The following CHST11 variants were observed in gnomAD, a reference collection of about 807,000 sequenced individuals.
CHST11 encodes the protein carbohydrate sulfotransferase 11, also known as C4S-1.
CHST11 carries 9 observed loss-of-function variants against 30.4 expected under a neutral mutation model. The ratio of observed to expected loss-of-function variants is 0.30; its 90% confidence interval spans 0.18 to 0.52. CHST11 has a LOEUF of 0.52. Ranked by LOEUF, CHST11 falls within the 20% of genes least tolerant of loss-of-function variation. CHST11 has a pLI of 0.97. For missense variants in CHST11, 348 were observed against 460.6 expected, an observed-to-expected ratio of 0.76 and a Z score of 2.24; for synonymous variants, 152 against 187.8, an observed-to-expected ratio of 0.81 and a Z score of 1.56.
At chr12:104,567,576 AATTCTGTCCCC>A (rs776459507) in intron 1 of CHST11, among the ~76,000 whole-genome samples, 10 of 151,898 alleles carry the variant, frequency 6.6e-5, no homozygotes, top group African/African-American at 1.2e-4. Context: ...TGAAACACTT[AATTCTGTCCCC>A]AGTGAGAGCC....
intron 2 of CHST11, among the ~76,000 whole-genome samples, chr12:104,678,061 G>A (rs1229678869): frequency 6.6e-6 from 1 of 152,216 alleles, no homozygotes; most frequent in Non-Finnish European, 1.5e-5. Context: ...GCATTGCCTT[G>A]TTTTATTGTC....
intron 1 of CHST11, among the ~76,000 whole-genome samples, chr12:104,515,730 G>A (rs932585746): frequency 6.6e-6 from 1 of 152,202 alleles, no homozygotes; most frequent in Middle Eastern, 3.4e-3. Context: ...GGAGAGAGTG[G>A]GGACTATTAG....
chr12:104,588,853 T>C (rs930830735), intron 1 of CHST11: 1 of 151,820 alleles, frequency 6.6e-6, no homozygotes, highest in African/African-American at 2.4e-5. Flanking sequence ...GTTGCATAGA[T>C]ACCTGAACAC....
At chr12:104,463,391 C>T (rs2037427776) in intron 1 of CHST11, among the ~76,000 whole-genome samples, 1 of 152,128 alleles carries the variant, frequency 6.6e-6, no homozygotes, top group Non-Finnish European at 1.5e-5. Flanking sequence ...TTAAAATTTC[C>T]TAGAACTTGT....
chr12:104,576,180 C>T (rs966881501), intron 1 of CHST11, among the ~76,000 whole-genome samples: 1 of 152,174 alleles, frequency 6.6e-6, no homozygotes, highest in Non-Finnish European at 1.5e-5. Context: ...CTTGCCTTAG[C>T]CTACTGTGTC....
At chr12:104,541,915 C>T (rs994735488) in intron 1 of CHST11, among the ~76,000 whole-genome samples, 2 of 152,178 alleles carry the variant, frequency 1.3e-5, no homozygotes, top group Non-Finnish European at 2.9e-5. Flanking sequence ...AGAGACAGAG[C>T]GAGACTCCGT....
intron 2 of CHST11, among the ~76,000 whole-genome samples, chr12:104,647,777 G>A (rs2136079798): frequency 6.6e-6 from 1 of 152,312 alleles, no homozygotes; most frequent in East Asian, 1.9e-4. Flanking sequence ...GGACATGTGT[G>A]GTGTGGGGTC....
intron 1 of CHST11, among the ~76,000 whole-genome samples, chr12:104,550,721 C>T (rs149177534): frequency 1.0e-3 from 153 of 152,356 alleles, no homozygotes; most frequent in East Asian, 4.4e-3. Context: ...CTAAGAGACA[C>T]TTCCTCACCT....
chr12:104,457,227 C>T lies in CHST11; in HGVS notation c.-185C>T. ...CAGCACTTCCAGACCAACTCCGGCACCTTCCACACCCCTGCCCGGGCTGGG... is the reference window on the plus strand; with the variant it reads ...CAGCACTTCCAGACCAACTCCGGCATCTTCCACACCCCTGCCCGGGCTGGG... On this transcript the variant is annotated 5_prime_UTR_variant, in exon 1 of 3. Coordinates refer to ENST00000303694, the MANE Select transcript of CHST11 (RefSeq NM_018413.6). 1 of 542,342 alleles carries T rather than the reference C, an allele frequency of 1.8e-6. No homozygotes were observed. Among genetic ancestry groups the T allele is most frequent in the Non-Finnish European group, 3.3e-6 (1 of 302,562 alleles). The allele number at this position is 542,342 out of a possible 1,614,324, so 33.6% of individuals were successfully genotyped here.
At chr12:104,652,141 C>A (rs529014995) in intron 2 of CHST11, among the ~76,000 whole-genome samples, 3 of 152,188 alleles carry the variant, frequency 2.0e-5, no homozygotes, top group Non-Finnish European at 2.9e-5. Context: ...TCCCACCCAC[C>A]CCCAGCTCTT....
At chr12:104,736,828 G>A (rs2136136152) in intron 2 of CHST11, among the ~76,000 whole-genome samples, 1 of 152,296 alleles carries the variant, frequency 6.6e-6, no homozygotes, top group African/African-American at 2.4e-5. Flanking sequence ...AGGTGTACTA[G>A]AAGTCATGTA....
chr12:104,579,138 C>T (rs2038713871), intron 1 of CHST11, among the ~76,000 whole-genome samples: 1 of 152,214 alleles, frequency 6.6e-6, no homozygotes, highest in Non-Finnish European at 1.5e-5. Flanking sequence ...AGAGCAGAAG[C>T]TCTGCTTGCT....
chr12:104,524,729 G>A (rs936740371), intron 1 of CHST11, among the ~76,000 whole-genome samples: 4 of 152,178 alleles, frequency 2.6e-5, no homozygotes, highest in Non-Finnish European at 4.4e-5. Flanking sequence ...CCTACTGGGT[G>A]CCAGTTCTGT....
chr12:104,754,119 C>G (rs917194075), intron 2 of CHST11, among the ~76,000 whole-genome samples: 3 of 152,156 alleles, frequency 2.0e-5, no homozygotes, highest in Non-Finnish European at 4.4e-5. Context: ...CCAGTTATTT[C>G]CAAGCTGGGA....
chr12:104,742,282 G>A (rs1390565176), intron 2 of CHST11, among the ~76,000 whole-genome samples: 2 of 152,200 alleles, frequency 1.3e-5, no homozygotes, highest in African/African-American at 4.8e-5. Flanking sequence ...GGAGAGGCCA[G>A]GAGGAGATCC....
At chr12:104,692,534 A>G (rs914089696) in intron 2 of CHST11, among the ~76,000 whole-genome samples, 19 of 152,226 alleles carry the variant, frequency 1.2e-4, no homozygotes, top group Non-Finnish European at 2.4e-4. Flanking sequence ...AACTTACTGT[A>G]TTAGCCTGCT....
intron 2 of CHST11, among the ~76,000 whole-genome samples, chr12:104,709,173 AAC>A (rs1304404372): frequency 1.3e-5 from 2 of 152,248 alleles, no homozygotes; most frequent in Non-Finnish European, 2.9e-5. Context: ...ACCAGAAAGC[AAC>A]AGAGTTAGCC....
At chr12:104,744,678 C>T (rs1312122121) in intron 2 of CHST11, among the ~76,000 whole-genome samples, 1 of 151,966 alleles carries the variant, frequency 6.6e-6, no homozygotes, top group Non-Finnish European at 1.5e-5. Context: ...AGTCTTTTCC[C>T]GTGTGTATGT....
chr12:104,638,335 G>A (rs1449560280), intron 2 of CHST11, among the ~76,000 whole-genome samples: 1 of 151,764 alleles, frequency 6.6e-6, no homozygotes, highest in Non-Finnish European at 1.5e-5. Context: ...TGTGTGTGAA[G>A]TTGTACAATA....
Sources: gnomAD v4.1 joint callset for allele counts (sites outside exome capture counted in the v4.1 genomes callset) on GRCh38, gnomAD v4.1.1 for gene constraint, MANE v1.5 for transcripts, NCBI Gene and HGNC (gene_info 2026-07-23, HGNC 2026-07-21) for gene names.